PPP3CC: variants seen among roughly 807,000 people sequenced by gnomAD.
PPP3CC encodes protein phosphatase 3 catalytic subunit gamma, also known as serine/threonine-protein phosphatase 2B catalytic subunit gamma isoform.
PPP3CC carries 35 observed loss-of-function variants against 60.3 expected under a neutral mutation model. The observed-to-expected ratio is 0.58, with a 90% CI of 0.44 to 0.77. PPP3CC has a LOEUF of 0.77. PPP3CC is among the 30% of genes least tolerant of loss of function. PPP3CC has a pLI of 0.00. For synonymous variants in PPP3CC, 206 were observed against 224.3 expected, an observed-to-expected ratio of 0.92 and a Z score of 0.73; for missense variants, 570 against 628.9, an observed-to-expected ratio of 0.91 and a Z score of 1.00.
rs146913939 is a variant in PPP3CC, at chr8:22,458,326, G to A, written c.50-16628G>A. Among the ~76,000 whole-genome samples, 1,331 of 151,294 alleles carry A rather than the reference G, an allele frequency of 8.8e-3. 28 individuals are homozygous for A. Among genetic ancestry groups the A allele is most frequent in the African/African-American group, 0.031 (1,279 of 41,208 alleles). ...CTATTAACAAATATCAGCTGGGCTC[G>A]GTGGCTCACGCCTGTAATCCTAGCA... On this transcript the variant is annotated intron_variant, in intron 1 of 13. Transcript: ENST00000240139.
chr8:22,525,771 A>C (rs2449349), intron 8 of PPP3CC, among the ~76,000 whole-genome samples: 1 of 151,298 alleles, frequency 6.6e-6, no homozygotes, highest in Non-Finnish European at 1.5e-5. Flanking sequence ...TGTTGCCCAG[A>C]CTGGTCTCAA....
intron 1 of PPP3CC, among the ~76,000 whole-genome samples, chr8:22,456,002 T>G (rs979675329): frequency 1.8e-4 from 27 of 152,220 alleles, no homozygotes; most frequent in African/African-American, 6.3e-4. Flanking sequence ...TTAATGTAAC[T>G]TATTTAGCAG....
chr8:22,459,068 A>AT (rs1028319142), intron 1 of PPP3CC, among the ~76,000 whole-genome samples: 311 of 145,674 alleles, frequency 2.1e-3, no homozygotes, highest in East Asian at 3.2e-3. Context: ...TACATTTGTA[A>AT]TTTTTTTTTT....
At chr8:22,464,174 T>G (rs180726150) in intron 1 of PPP3CC, among the ~76,000 whole-genome samples, 77 of 152,282 alleles carry the variant, frequency 5.1e-4, no homozygotes, top group African/African-American at 1.8e-3. Context: ...TTTTTTCCCT[T>G]TAACCCAAAT....
intron 3 of PPP3CC, among the ~76,000 whole-genome samples, chr8:22,483,919 T>C (rs897955420): frequency 5.3e-5 from 8 of 152,132 alleles, no homozygotes; most frequent in African/African-American, 1.9e-4. Context: ...TAGCTCACTA[T>C]AACCCTGAAC....
At chr8:22,453,321 G>T (rs566796455) in intron 1 of PPP3CC, among the ~76,000 whole-genome samples, 4 of 152,188 alleles carry the variant, frequency 2.6e-5, no homozygotes, top group Non-Finnish European at 5.9e-5. Flanking sequence ...AGATTTAAGA[G>T]TACTGTATTT....
intron 6 of PPP3CC, among the ~76,000 whole-genome samples, chr8:22,513,979 C>G (rs1331383241): frequency 3.9e-5 from 6 of 152,184 alleles, no homozygotes; most frequent in African/African-American, 1.4e-4. Context: ...GGCGTGGTGG[C>G]TCACGCCTAT....
chr8:22,454,007 C>G lies in PPP3CC; in HGVS notation c.49+12549C>G, dbSNP rs1230775022. 3.9e-5 allele frequency among the ~76,000 whole-genome samples: 6 copies of G among 152,296 alleles called. No individual in the cohort carries two copies. The East Asian group carries it at 1.2e-3, about 29-fold the overall frequency. On this transcript the variant is annotated intron_variant, in intron 1 of 13. Transcript: ENST00000240139. Reference sequence around the variant, plus strand: ...AACACCGCAGGCTTTACAAACACTGCACACTTAGGCTATGCTAAATTTATA... The same window carrying G: ...AACACCGCAGGCTTTACAAACACTGGACACTTAGGCTATGCTAAATTTATA...
intron 1 of PPP3CC, among the ~76,000 whole-genome samples, chr8:22,473,400 C>T (rs1258285885): frequency 1.3e-5 from 2 of 151,718 alleles, no homozygotes; most frequent in African/African-American, 2.4e-5. Flanking sequence ...AACTTTGTAC[C>T]TAATGTAAAC....
At chr8:22,444,644 C>G (rs1416084802) in intron 1 of PPP3CC, among the ~76,000 whole-genome samples, 4 of 152,086 alleles carry the variant, frequency 2.6e-5, no homozygotes, top group Non-Finnish European at 5.9e-5. Flanking sequence ...ATGTTTAAAC[C>G]TTCTTATGAT....
At chr8:22,453,988 G>C (rs961747857) in intron 1 of PPP3CC, among the ~76,000 whole-genome samples, 29 of 152,122 alleles carry the variant, frequency 1.9e-4, no homozygotes, top group Admixed American at 1.1e-3. Flanking sequence ...GTAGAACACC[G>C]CAGGCTTTAC....
chr8:22,511,368 C>T, intron 5 of PPP3CC, 137 bp downstream of exon 5: 1 of 887,910 alleles, frequency 1.1e-6, no homozygotes. Context: ...CAGCTCACTG[C>T]AACCTCCGCC....
intron 1 of PPP3CC, among the ~76,000 whole-genome samples, chr8:22,469,575 A>C (rs79288673): frequency 6.6e-6 from 1 of 152,020 alleles, no homozygotes; most frequent in Non-Finnish European, 1.5e-5. Context: ...GAAAAAAAAA[A>C]GCTACAGCTT....
At position 22,527,531 on chromosome 8, in the gene PPP3CC, A is replaced by C. The variant is rs377361805; in HGVS notation, c.1069+14A>C. 6.2e-6 allele frequency: 10 copies of C among 1,612,832 alleles called. 1 individual carries two copies. The highest frequency in any genetic ancestry group is 1.3e-5 in the African/African-American group (1 of 74,916). ...TTGGGGAAAAAGGTAAGAGAACTAA[A>C]GCACATGTCTCATCAGTTGTTTGGT... On this transcript the variant is annotated intron_variant, in intron 9 of 13. Transcript: ENST00000240139.
intron 12 of PPP3CC, among the ~76,000 whole-genome samples, chr8:22,533,774 G>C (rs1428702500): frequency 6.6e-6 from 1 of 152,102 alleles, no homozygotes; most frequent in Non-Finnish European, 1.5e-5. Context: ...GCAGTGAACC[G>C]AGATCGCGCC....
At chr8:22,518,191 T>C (rs1839304146) in intron 6 of PPP3CC, among the ~76,000 whole-genome samples, 1 of 152,022 alleles carries the variant, frequency 6.6e-6, no homozygotes, top group African/African-American at 2.4e-5. Flanking sequence ...GCCTCCTGAG[T>C]AGCTGGGACT....
Position 22,474,979 on chromosome 8 carries a change from G to A in PPP3CC, c.75G>A (p.Arg25=). 6.2e-7 allele frequency: 1 copy of A among 1,601,190 alleles called. No individual in the cohort carries two copies. Among genetic ancestry groups the A allele is most frequent in the Non-Finnish European group, 8.5e-7 (1 of 1,172,438 alleles). ...IKAVPFPPTQ[R]LTFKEVFENG... ...CTGTCCCCTTTCCTCCAACCCAACG[G>A]CTTACTTTCAAGGAAGTATTTGAGA... The change falls in exon 2 of 14, where the codon CGG becomes CGA. Residue 25 remains arginine (R), a synonymous_variant. Transcript: ENST00000240139.
chr8:22,514,842 G>A (rs999906059), intron 6 of PPP3CC, among the ~76,000 whole-genome samples: 19 of 151,796 alleles, frequency 1.3e-4, no homozygotes, highest in African/African-American at 3.9e-4. Flanking sequence ...ACCATGCCTG[G>A]CTAATTTTTG....
chr8:22,503,968 T>A (rs1325922698), intron 4 of PPP3CC, among the ~76,000 whole-genome samples: 1 of 152,172 alleles, frequency 6.6e-6, no homozygotes, highest in Non-Finnish European at 1.5e-5. Flanking sequence ...CCACTGTGGC[T>A]TTTAGAACTA....
Sources: gnomAD v4.1 joint callset for allele counts (sites outside exome capture counted in the v4.1 genomes callset) on GRCh38, gnomAD v4.1.1 for gene constraint, MANE v1.5 for transcripts, NCBI Gene and HGNC (gene_info 2026-07-23, HGNC 2026-07-21) for gene names.